Variants in FARP1 observed in about 807,000 individuals in gnomAD.
The protein encoded by FARP1 is FERM, ARH/RhoGEF and pleckstrin domain protein 1.
A neutral mutation model predicts 128.8 loss-of-function variants in FARP1; 52 were observed. The observed-to-expected ratio is 0.40, with a 90% CI of 0.32 to 0.51. The LOEUF (loss-of-function observed/expected upper bound fraction) is 0.51, where lower values mean the gene tolerates loss of function less well. Ranked by LOEUF, FARP1 falls within the 20% of genes least tolerant of loss-of-function variation. The probability of loss-of-function intolerance (pLI) is 0.45; values close to 1 mark genes in which losing one functional copy is unlikely to be tolerated. For synonymous variants in FARP1, 580 were observed against 551.8 expected, an observed-to-expected ratio of 1.05 and a Z score of -0.72; for missense variants, 1,333 against 1,367.9, an observed-to-expected ratio of 0.97 and a Z score of 0.40.
At chr13:98,401,421 C>CACACACACACACACACAG (rs1271699502) in intron 13 of FARP1, 2 of 151,418 alleles carry the variant, frequency 1.3e-5, no homozygotes, top group Admixed American at 1.3e-4. Context: ...ACAAAACACA[C>CACACACACACACACACAG]ACACACACAC....
intron 5 of FARP1, among the ~76,000 whole-genome samples, chr13:98,374,634 A>G (rs763595698): frequency 1.3e-5 from 2 of 152,318 alleles, no homozygotes; most frequent in South Asian, 2.1e-4. Flanking sequence ...GTGCTGTTTA[A>G]CTTGTTCCTC....
intron 1 of FARP1, among the ~76,000 whole-genome samples, chr13:98,197,657 T>C (rs1053313354): frequency 3.8e-4 from 57 of 151,298 alleles, no homozygotes; most frequent in Non-Finnish European, 4.9e-4. Context: ...TTTTTTGAGA[T>C]GGAGTCTCGC....
intron 2 of FARP1, among the ~76,000 whole-genome samples, chr13:98,265,493 G>GT (rs1184196324): frequency 6.0e-5 from 9 of 150,308 alleles, no homozygotes; most frequent in Non-Finnish European, 5.9e-5. Flanking sequence ...CTAATTTTTT[G>GT]TATTTTTAGT....
chr13:98,200,387 A>ACCCCCCCCCCCC (rs34861204), intron 1 of FARP1, among the ~76,000 whole-genome samples: 28 of 127,538 alleles, frequency 2.2e-4, no homozygotes, highest in African/African-American at 8.0e-4. Context: ...TGCAACCTTC[A>ACCCCCCCCCCCC]CCCCCCCCCC....
At chr13:98,344,143 T>G (rs1301616776) in intron 3 of FARP1, among the ~76,000 whole-genome samples, 1 of 152,148 alleles carries the variant, frequency 6.6e-6, no homozygotes, top group Non-Finnish European at 1.5e-5. Flanking sequence ...GTTAATGCAT[T>G]TAAAAGAGAG....
chr13:98,335,204 G>A (rs549727562), intron 2 of FARP1, among the ~76,000 whole-genome samples: 91 of 152,202 alleles, frequency 6.0e-4, no homozygotes, highest in African/African-American at 2.0e-3. Context: ...GTACATCATC[G>A]ACGGAAGTAG....
chr13:98,320,171 C>G (rs2139785058), intron 2 of FARP1, among the ~76,000 whole-genome samples: 1 of 152,276 alleles, frequency 6.6e-6, no homozygotes, highest in South Asian at 2.1e-4. Flanking sequence ...TTGGAAGATG[C>G]CCATTCTCAT....
At chr13:98,152,210 G>A (rs1198326860) in intron 1 of FARP1, among the ~76,000 whole-genome samples, 2 of 152,158 alleles carry the variant, frequency 1.3e-5, no homozygotes, top group Admixed American at 6.5e-5. Context: ...TTTTGCACTT[G>A]GGCTTGTTGG....
chr13:98,359,810 A>G (rs1304622058), intron 3 of FARP1, among the ~76,000 whole-genome samples: 1 of 152,184 alleles, frequency 6.6e-6, no homozygotes, highest in Non-Finnish European at 1.5e-5. Flanking sequence ...AGTTCACTGT[A>G]TGATGCTCAC....
chr13:98,193,490 A>G (rs570115823), intron 1 of FARP1, among the ~76,000 whole-genome samples: 30 of 151,708 alleles, frequency 2.0e-4, no homozygotes, highest in Non-Finnish European at 4.0e-4. Context: ...ATTCCTGTCA[A>G]ATTTCCTGCT....
chr13:98,324,589 G>C (rs1205983359), intron 2 of FARP1, among the ~76,000 whole-genome samples: 1 of 152,042 alleles, frequency 6.6e-6, no homozygotes, highest in African/African-American at 2.4e-5. Flanking sequence ...AAAAAAAATG[G>C]TTTACTATTT....
chr13:98,363,314 C>T (rs1888950306), intron 3 of FARP1, among the ~76,000 whole-genome samples: 1 of 152,164 alleles, frequency 6.6e-6, no homozygotes, highest in African/African-American at 2.4e-5. Context: ...AGCACAGGGT[C>T]ATTTTCAGGG....
At chr13:98,446,494 C>T in intron 25 of FARP1, 172 bp from the exon 26 acceptor site, 1 of 669,230 alleles carries the variant, frequency 1.5e-6, no homozygotes, top group South Asian at 1.9e-5. Flanking sequence ...CGGGACTTGC[C>T]ACCCGGGCCA....
At chr13:98,255,721 G>T (rs553689580) in intron 2 of FARP1, among the ~76,000 whole-genome samples, 1 of 152,338 alleles carries the variant, frequency 6.6e-6, no homozygotes, top group South Asian at 2.1e-4. Context: ...CAAAGGCTAA[G>T]ATCATACCTT....
At chr13:98,244,664 A>T in intron 2 of FARP1, 1 of 1,614,210 alleles carries the variant, frequency 6.2e-7, no homozygotes, top group Non-Finnish European at 8.5e-7. Context: ...CTGGAAGTAG[A>T]AGCTTAGCGG....
At chr13:98,276,362 G>A (rs1488870087) in intron 2 of FARP1, among the ~76,000 whole-genome samples, 1 of 152,002 alleles carries the variant, frequency 6.6e-6, no homozygotes, top group Non-Finnish European at 1.5e-5. Context: ...TTCCCTTTTG[G>A]GCAATATGGT....
At chr13:98,173,905 TC>T (rs1877817904) in intron 1 of FARP1, among the ~76,000 whole-genome samples, 1 of 152,190 alleles carries the variant, frequency 6.6e-6, no homozygotes, top group South Asian at 2.1e-4. Flanking sequence ...ACTGTCCTCA[TC>T]CCTGTTCTGA....
intron 2 of FARP1, among the ~76,000 whole-genome samples, chr13:98,214,113 G>T (rs935450429): frequency 2.5e-4 from 38 of 152,314 alleles, no homozygotes; most frequent in African/African-American, 9.1e-4. Context: ...CGTTGGAGCC[G>T]CTGGAACCTC....
At chr13:98,403,810 T>G (rs1890867535) in intron 13 of FARP1, 1 of 152,260 alleles carries the variant, frequency 6.6e-6, no homozygotes, top group Non-Finnish European at 1.5e-5. Flanking sequence ...TCACAGTGTA[T>G]GCACGGTATT....
Sources: gnomAD v4.1 joint callset for allele counts (sites outside exome capture counted in the v4.1 genomes callset) on GRCh38, gnomAD v4.1.1 for gene constraint, MANE v1.5 for transcripts, NCBI Gene and HGNC (gene_info 2026-07-23, HGNC 2026-07-21) for gene names.